The following ZIC4 variants were observed in gnomAD, a reference collection of about 807,000 sequenced individuals.
ZIC4 encodes the protein Zic family zinc finger 4.
ZIC4 carries 15 observed loss-of-function variants against 28.8 expected under a neutral mutation model. That is an observed-to-expected ratio of 0.52 (90% confidence interval 0.35 to 0.80). The LOEUF is 0.80. Ranked by LOEUF, ZIC4 falls within the 30% of genes least tolerant of loss-of-function variation. The probability of loss-of-function intolerance (pLI) is 0.01; values close to 1 mark genes in which losing one functional copy is unlikely to be tolerated. For missense variants in ZIC4, 512 were observed against 467.1 expected (o/e 1.10, Z -0.89); for synonymous variants, 220 against 198.1 (o/e 1.11, Z -0.93).
chr3:147,400,931 T>C (rs2087153346), intron 2 of ZIC4, among the ~76,000 whole-genome samples: 1 of 152,216 alleles, frequency 6.6e-6, no homozygotes. Context: ...ATTCTATTCC[T>C]ACCCATGCCT....
intron 3 of ZIC4, 66 bp from the exon 4 acceptor site, chr3:147,391,312 T>TC: frequency 2.7e-6 from 4 of 1,461,464 alleles, no homozygotes; most frequent in Non-Finnish European, 3.7e-6. Context: ...CTTGCCACCC[T>TC]CCCCCATTCG....
intron 3 of ZIC4, among the ~76,000 whole-genome samples, chr3:147,394,362 G>A (rs2086992962): frequency 6.7e-6 from 1 of 148,876 alleles, no homozygotes; most frequent in Non-Finnish European, 1.5e-5. Context: ...GTGGCGCACT[G>A]AACTTGCTTC....
At position 147,387,205 on chromosome 3, in the gene ZIC4, C is replaced by T. The variant is rs1321736124; in HGVS notation, c.*1654G>A. 16 of 152,406 alleles carry T rather than the reference C, an allele frequency of 1.0e-4. No homozygotes were observed. Among genetic ancestry groups the T allele is most frequent in the African/African-American group, 3.9e-4 (16 of 41,464 alleles). 9.4% of individuals were successfully genotyped at this position (152,406 alleles called of 1,614,324 possible). ...TACTTCACCAGACCAGGCCCTGACC[C>T]TGATGTCTAGGCATTGCTTTTGTTT... On this transcript the variant is annotated 3_prime_UTR_variant, in exon 5 of 5. Coordinates refer to ENST00000383075, the MANE Select transcript of ZIC4 (RefSeq NM_032153.6).
At position 147,391,219 on chromosome 3, in the gene ZIC4, TC is replaced by T; in HGVS notation, c.715del (p.Glu239ArgfsTer47). 1 of 1,601,504 alleles carries T rather than the reference TC, an allele frequency of 6.2e-7. No homozygotes were observed. The highest frequency in any genetic ancestry group is 8.5e-7 in the Non-Finnish European group (1 of 1,170,870). The part of the protein sequence containing the change: ...TGEKPFRCEF[E>X]GCERRFANSS... ...GTTGGCGAAGCGCCGCTCGCAGCCC[TC>T]GAACTCGCATCTGAAGGGCTTCTCG... On this transcript the variant is annotated frameshift_variant, in exon 4 of 5. Transcript: ENST00000383075. LOFTEE classifies it high-confidence loss of function.
chr3:147,388,774 C>A lies in ZIC4; in HGVS notation c.*85G>T, dbSNP rs1010066351. On this transcript the variant is annotated 3_prime_UTR_variant, in exon 5 of 5. Coordinates refer to ENST00000383075, the MANE Select transcript of ZIC4 (RefSeq NM_032153.6). ...CGTGGCGAAGAAACACTGCTTTGTG[C>A]GCGGGCCCTTTGATGTAGCAGGCGC... 116 of 753,634 alleles carry A rather than the reference C, an allele frequency of 1.5e-4. 1 individual carries two copies. In the Middle Eastern group the frequency reaches 2.0e-3, roughly 13 times the overall value. The allele number at this position is 753,634 out of a possible 1,614,324, so 46.7% of individuals were successfully genotyped here. A position where few individuals can be genotyped will look rare whatever the true frequency, so the allele number is the denominator to read the frequency against.
rs1464329812 is a variant in ZIC4, at chr3:147,396,985, G to C, written c.71-516C>G. ...GGCGGCCGGCTGCTTGCCGACCCAC[G>C]CTCCCCGGAGCTCCCTGTACCGGGC... On this transcript the variant is annotated intron_variant, in intron 2 of 4. Transcript: ENST00000383075. The surrounding 1 kb of genome is among the most constrained non-coding windows in gnomAD (Gnocchi z 4.2). The C allele has an allele frequency of 6.6e-6, 1 of 152,618 alleles. No individual in the cohort carries two copies. The highest frequency in any genetic ancestry group is 1.9e-4 in the East Asian group (1 of 5,184). 9.5% of individuals were successfully genotyped at this position (152,618 alleles called of 1,614,324 possible).
rs1344214887 is a variant in ZIC4 at position 147,388,516 on chromosome 3, T to C, written c.*343A>G. 4 of 342,948 alleles carry C rather than the reference T, an allele frequency of 1.2e-5. No homozygotes were observed. Among genetic ancestry groups the C allele is most frequent in the Non-Finnish European group, 1.6e-5 (3 of 191,730 alleles). The allele number at this position is 342,948 out of a possible 1,614,324, so 21.2% of individuals were successfully genotyped here. On this transcript the variant is annotated 3_prime_UTR_variant, in exon 5 of 5. Coordinates refer to ENST00000383075, the MANE Select transcript of ZIC4 (RefSeq NM_032153.6). ...TTCACATTATTATCCATTTTTATTA[T>C]GATCGGGTACAAGTGCCCATTCGCG...
chr3:147,400,037 G>C (rs1004674760), intron 2 of ZIC4, among the ~76,000 whole-genome samples: 5 of 152,336 alleles, frequency 3.3e-5, no homozygotes, highest in Middle Eastern at 3.4e-3. Flanking sequence ...ACAGATAGGA[G>C]AAGAGGGGTT....
intron 4 of ZIC4, among the ~76,000 whole-genome samples, chr3:147,389,938 A>G (rs547134890): frequency 2.0e-5 from 3 of 152,232 alleles, no homozygotes; most frequent in South Asian, 4.2e-4. Context: ...CCGGAGCCCA[A>G]GCACCTACAA....
chr3:147,404,224 G>T, intron 1 of ZIC4: 2 of 1,457,246 alleles, frequency 1.4e-6, no homozygotes, highest in Non-Finnish European at 1.8e-6. Flanking sequence ...GTTCCCTAGA[G>T]ATCCCTGTCC....
chr3:147,404,733 G>T (rs749071003), intron 1 of ZIC4, among the ~76,000 whole-genome samples: 2 of 152,222 alleles, frequency 1.3e-5, no homozygotes, highest in Non-Finnish European at 2.9e-5. Context: ...CCGGAGGAGA[G>T]CCAAGAAGGT....
intron 2 of ZIC4, among the ~76,000 whole-genome samples, chr3:147,400,114 G>A (rs911930190): frequency 2.6e-5 from 4 of 152,140 alleles, no homozygotes; most frequent in Admixed American, 1.3e-4. Context: ...TAATAGTCCA[G>A]TATTTGCTGC....
rs1365751562 is a variant in ZIC4, at chr3:147,402,831, G to A, written c.-15-19C>T. On this transcript the variant is annotated intron_variant, in intron 1 of 4. Coordinates refer to ENST00000383075, the MANE Select transcript of ZIC4 (RefSeq NM_032153.6). ...TTTGAGCCTGTTTGGGAAGAAAAGA[G>A]TGACAGTCACTAGTTAAACAATTTT... 6.2e-7 allele frequency: 1 copy of A among 1,608,948 alleles called. No homozygotes were observed.
intron 3 of ZIC4, 60 bp downstream of exon 3, chr3:147,395,792 A>G (rs201674482): frequency 2.2e-4 from 337 of 1,557,192 alleles, no homozygotes; most frequent in Non-Finnish European, 1.9e-4. Flanking sequence ...GAGGAAATCC[A>G]GACCCGAGGG....
chr3:147,390,873 G>C, intron 4 of ZIC4, 58 bp downstream of exon 4: 7 of 1,542,432 alleles, frequency 4.5e-6, no homozygotes, highest in African/African-American at 1.4e-5. Flanking sequence ...GTGGTAGCTC[G>C]GGGCTGAGGA....
At chr3:147,393,847 TCCCCGAGGCA>T (rs762441344) in intron 3 of ZIC4, 14 of 455,876 alleles carry the variant, frequency 3.1e-5, no homozygotes, top group African/African-American at 2.2e-4. Context: ...CGCGCCTCCC[TCCCCGAGGCA>T]CCATTGTTCC....
chr3:147,405,380 T>C, intron 1 of ZIC4: 1 of 1,536,398 alleles, frequency 6.5e-7, no homozygotes, highest in African/African-American at 1.4e-5. Flanking sequence ...GACCTTGGAA[T>C]CCAAAGGGAG....
intron 1 of ZIC4, chr3:147,405,494 C>T (rs2087255902): frequency 6.5e-7 from 1 of 1,536,118 alleles, no homozygotes; most frequent in Non-Finnish European, 8.7e-7. Flanking sequence ...TCAGATCCAA[C>T]CTTTGAGCCA....
chr3:147,400,763 C>A (rs1405052801), intron 2 of ZIC4, among the ~76,000 whole-genome samples: 1 of 152,150 alleles, frequency 6.6e-6, no homozygotes, highest in Non-Finnish European at 1.5e-5. Flanking sequence ...TTAGAGAGAT[C>A]ATTTTGAGTC....
Sources: gnomAD v4.1 joint callset for allele counts (sites outside exome capture counted in the v4.1 genomes callset) on GRCh38, gnomAD v4.1.1 for gene constraint, Gnocchi (gnomAD v3.1) non-coding constraint, MANE v1.5 for transcripts, NCBI Gene and HGNC (gene_info 2026-07-23, HGNC 2026-07-21) for gene names.